The following FHL2 variants were observed in gnomAD, a reference collection of about 807,000 sequenced individuals.
FHL2 encodes the protein four and a half LIM domains protein 2.
A neutral mutation model predicts 32.7 loss-of-function variants in FHL2; 20 were observed. The ratio of observed to expected loss-of-function variants is 0.61; its 90% CI spans 0.43 to 0.89. FHL2 has a LOEUF of 0.89. FHL2 is among the 40% of genes least tolerant of loss of function. The pLI is 0.00. For synonymous variants in FHL2, 123 were observed against 128.1 expected (o/e 0.96, Z 0.27); for missense variants, 311 against 358.6 (o/e 0.87, Z 1.07).
At chr2:105,406,356 T>C (rs1053326280) in intron 1 of FHL2, among the ~76,000 whole-genome samples, 3 of 152,160 alleles carry the variant, frequency 2.0e-5, no homozygotes, top group African/African-American at 7.2e-5. Flanking sequence ...AGAGGAGTCA[T>C]TGTCTCCATG....
intron 4 of FHL2, among the ~76,000 whole-genome samples, chr2:105,370,031 C>G (rs1019474980): frequency 5.9e-5 from 9 of 152,228 alleles, no homozygotes; most frequent in African/African-American, 2.2e-4. Context: ...CCAAGTCTCC[C>G]GCAGGCGGAA....
intron 1 of FHL2, among the ~76,000 whole-genome samples, chr2:105,416,017 T>C (rs1683924167): frequency 6.6e-6 from 1 of 152,256 alleles, no homozygotes; most frequent in Admixed American, 6.5e-5. Flanking sequence ...CCAGCTACTC[T>C]TAACCCCTGT....
chr2:105,403,999 G>A (rs1406413246), upstream of FHL2, among the ~76,000 whole-genome samples: 3 of 152,204 alleles, frequency 2.0e-5, no homozygotes, highest in Non-Finnish European at 4.4e-5. Flanking sequence ...CCTGTGGTGG[G>A]GTCGTGGGGG....
At chr2:105,427,254 T>C (rs140191381) in intron 1 of FHL2, among the ~76,000 whole-genome samples, 7 of 152,322 alleles carry the variant, frequency 4.6e-5, no homozygotes, top group Non-Finnish European at 1.0e-4. Flanking sequence ...CTGGAAAGAA[T>C]TTCTTACTAT....
intron 1 of FHL2, among the ~76,000 whole-genome samples, chr2:105,418,085 A>C (rs1274914006): frequency 6.6e-6 from 1 of 152,210 alleles, no homozygotes; most frequent in Non-Finnish European, 1.5e-5. Context: ...TGGGGAAGTC[A>C]TTATATTTTG....
intron 4 of FHL2, among the ~76,000 whole-genome samples, chr2:105,371,117 C>T (rs111412283): frequency 6.6e-6 from 1 of 152,102 alleles, no homozygotes; most frequent in South Asian, 2.1e-4. Context: ...CTTTCCCTCC[C>T]CAGTAAACAC....
chr2:105,438,288 G>A, intron 1 of FHL2: 4 of 886,202 alleles, frequency 4.5e-6, no homozygotes, highest in Non-Finnish European at 4.1e-6. Flanking sequence ...TTCCTCCCAG[G>A]GCTGGACACT....
At chr2:105,376,756 G>A (rs929993438) in intron 3 of FHL2, 5 of 152,264 alleles carry the variant, frequency 3.3e-5, no homozygotes, top group African/African-American at 1.2e-4. Flanking sequence ...AAAGGTGGGA[G>A]CAAGCCAGAT....
intron 3 of FHL2, among the ~76,000 whole-genome samples, chr2:105,385,350 T>C (rs1454567018): frequency 6.6e-6 from 1 of 152,230 alleles, no homozygotes; most frequent in Non-Finnish European, 1.5e-5. Flanking sequence ...AAGGAACACA[T>C]GTTGGATGTG....
chr2:105,367,429 G>T, intron 5 of FHL2, 141 bp downstream of exon 5: 1 of 787,666 alleles, frequency 1.3e-6, no homozygotes, highest in Non-Finnish European at 2.0e-6. Context: ...TAAATGCTCA[G>T]AATGTAAGGC....
At chr2:105,376,989 A>G (rs1453017630) in intron 3 of FHL2, among the ~76,000 whole-genome samples, 1 of 152,256 alleles carries the variant, frequency 6.6e-6, no homozygotes, top group African/African-American at 2.4e-5. Context: ...GACAGAAAGT[A>G]GAAGAGTGGT....
chr2:105,417,995 T>C (rs1683984619), intron 1 of FHL2, among the ~76,000 whole-genome samples: 1 of 152,066 alleles, frequency 6.6e-6, no homozygotes, highest in Admixed American at 6.6e-5. Context: ...AAAATAGCTT[T>C]AACCACAAAA....
At chr2:105,361,707 GT>G (rs1680277552) in intron 6 of FHL2, among the ~76,000 whole-genome samples, 1 of 152,160 alleles carries the variant, frequency 6.6e-6, no homozygotes, top group Admixed American at 6.5e-5. Flanking sequence ...TTTGTTATGT[GT>G]TTTCCCACAA....
rs796834799 is a variant in FHL2, at chr2:105,423,322, C to T, written c.-25+15077G>A. Among the ~76,000 whole-genome samples, 11 of 152,344 alleles carry T rather than the reference C, an allele frequency of 7.2e-5. No individual in the cohort carries two copies. The South Asian group carries it at 1.9e-3, about 26-fold the overall frequency. Reference sequence around the variant, plus strand: ...AGATTTCATAAACCTATTGCATCAACTCTAACAATAGTCCTTTACTGGTAT... The same window carrying T: ...AGATTTCATAAACCTATTGCATCAATTCTAACAATAGTCCTTTACTGGTAT... On this transcript the variant is annotated intron_variant, in intron 1 of 5. Transcript: ENST00000393352.
At chr2:105,377,761 A>G (rs530036726) in intron 3 of FHL2, 9 of 271,518 alleles carry the variant, frequency 3.3e-5, no homozygotes, top group Non-Finnish European at 6.6e-5. Flanking sequence ...GAAAAGCTGC[A>G]GAATGTTTTC....
chr2:105,383,802 A>G (rs891862183), intron 3 of FHL2, among the ~76,000 whole-genome samples: 1 of 152,256 alleles, frequency 6.6e-6, no homozygotes, highest in African/African-American at 2.4e-5. Context: ...TTGAAAGTCA[A>G]GAAAAGCACG....
chr2:105,396,237 CT>C (rs1369523400), intron 2 of FHL2, among the ~76,000 whole-genome samples: 1 of 152,270 alleles, frequency 6.6e-6, no homozygotes, highest in East Asian at 1.9e-4. Flanking sequence ...AGTCAGTAGG[CT>C]GGAGACCCAG....
intron 2 of FHL2, among the ~76,000 whole-genome samples, chr2:105,394,158 A>G (rs1304613119): frequency 6.6e-6 from 1 of 152,216 alleles, no homozygotes; most frequent in African/African-American, 2.4e-5. Context: ...TCTACACACA[A>G]AAACCGCTCA....
At chr2:105,401,429 A>G (rs971382610), upstream of FHL2, among the ~76,000 whole-genome samples, 5 of 152,214 alleles carry the variant, frequency 3.3e-5, no homozygotes, top group Admixed American at 3.3e-4. Context: ...AGTTCATCTT[A>G]CTAGTCTGTC....
Sources: allele counts gnomAD v4.1 joint callset (sites outside exome capture counted in the v4.1 genomes callset), GRCh38; gene constraint gnomAD v4.1.1; transcripts MANE v1.5; gene names NCBI Gene and HGNC (gene_info 2026-07-23, HGNC 2026-07-21).